The following SCHIP1 variants were observed in gnomAD, a reference collection of about 807,000 sequenced individuals.
SCHIP1 encodes schwannomin interacting protein 1, also known as schwannomin-interacting protein 1.
In SCHIP1, 8 loss-of-function variants were observed where a neutral mutation model predicts 29.7. The ratio of observed to expected loss-of-function variants is 0.27; its 90% CI spans 0.16 to 0.49. SCHIP1 has a LOEUF of 0.49. SCHIP1 is among the 20% of genes least tolerant of loss of function. The pLI, the probability that SCHIP1 is intolerant of heterozygous loss-of-function variation, is 0.99. For missense variants in SCHIP1, 193 were observed against 294.6 expected (o/e 0.66, Z 2.52); for synonymous variants, 76 against 94.9 (o/e 0.80, Z 1.16).
the SCHIP1 span, among the ~76,000 whole-genome samples, chr3:159,829,647 A>C: frequency 1.3e-5 from 2 of 152,200 alleles, no homozygotes; most frequent in African/African-American, 4.8e-5. Flanking sequence ...CAGTCCTCAA[A>C]ATCAACGAAC....
At chr3:159,550,270 C>G in the SCHIP1 span, among the ~76,000 whole-genome samples, 5 of 151,766 alleles carry the variant, frequency 3.3e-5, no homozygotes, top group African/African-American at 9.7e-5. Context: ...TTTTCAAATC[C>G]TTTGTATTAA....
At chr3:159,511,433 C>T in the SCHIP1 span, among the ~76,000 whole-genome samples, 316 of 152,294 alleles carry the variant, frequency 2.1e-3, 3 homozygotes, top group African/African-American at 7.1e-3. Flanking sequence ...AGCAATGCCT[C>T]GCCCTGCTTC....
chr3:159,542,362 G>T, the SCHIP1 span, among the ~76,000 whole-genome samples: 1 of 152,008 alleles, frequency 6.6e-6, no homozygotes, highest in African/African-American at 2.4e-5. Context: ...GCACATGCTT[G>T]TTGAATATCT....
chr3:159,787,501 A>G, the SCHIP1 span, among the ~76,000 whole-genome samples: 1 of 152,214 alleles, frequency 6.6e-6, no homozygotes, highest in African/African-American at 2.4e-5. Flanking sequence ...ATGGATTCCT[A>G]GTGAAATAAT....
At chr3:159,735,815 C>T in the SCHIP1 span, among the ~76,000 whole-genome samples, 1 of 152,210 alleles carries the variant, frequency 6.6e-6, no homozygotes, top group Non-Finnish European at 1.5e-5. Context: ...AGGTCACACA[C>T]ATAGCCCATC....
chr3:159,655,488 TCG>T, the SCHIP1 span, among the ~76,000 whole-genome samples: 1 of 152,106 alleles, frequency 6.6e-6, no homozygotes, highest in Non-Finnish European at 1.5e-5. Flanking sequence ...CTTAGCTCTC[TCG>T]GGTAGGACAA....
the SCHIP1 span, among the ~76,000 whole-genome samples, chr3:159,488,257 C>A: frequency 6.6e-6 from 1 of 151,728 alleles, no homozygotes; most frequent in East Asian, 1.9e-4. Context: ...TGAATAAGAT[C>A]TAGTATTTGA....
At chr3:159,300,326 A>G in the SCHIP1 span, among the ~76,000 whole-genome samples, 1 of 151,516 alleles carries the variant, frequency 6.6e-6, no homozygotes, top group Admixed American at 6.6e-5. Context: ...TAGAGATGAA[A>G]TCTCACTATG....
the SCHIP1 span, among the ~76,000 whole-genome samples, chr3:159,556,213 A>G: frequency 6.6e-6 from 1 of 152,132 alleles, no homozygotes. Context: ...CAAAACCACA[A>G]TGAGATACCA....
At chr3:159,544,489 T>TCA in the SCHIP1 span, among the ~76,000 whole-genome samples, 3 of 152,042 alleles carry the variant, frequency 2.0e-5, no homozygotes, top group Non-Finnish European at 4.4e-5. Context: ...CAGCATACTA[T>TCA]CAGCATATGA....
the SCHIP1 span, among the ~76,000 whole-genome samples, chr3:159,424,316 T>C: frequency 6.6e-6 from 1 of 151,996 alleles, no homozygotes; most frequent in Non-Finnish European, 1.5e-5. Flanking sequence ...AATGTATAAC[T>C]AGAATAACCA....
chr3:159,379,343 T>A, the SCHIP1 span, among the ~76,000 whole-genome samples: 25 of 152,032 alleles, frequency 1.6e-4, no homozygotes, highest in Admixed American at 2.6e-4. Flanking sequence ...TGCCTCAGCC[T>A]CCCGAGCAGC....
chr3:159,414,640 G>A, the SCHIP1 span, among the ~76,000 whole-genome samples: 286 of 152,222 alleles, frequency 1.9e-3, no homozygotes, highest in African/African-American at 6.6e-3. Flanking sequence ...TGCCCAGTAC[G>A]TATAGATGCT....
At chr3:159,732,099 G>A in the SCHIP1 span, among the ~76,000 whole-genome samples, 1 of 152,192 alleles carries the variant, frequency 6.6e-6, no homozygotes, top group African/African-American at 2.4e-5. Context: ...ACCTGCCTTG[G>A]CCTCCCAAAG....
the SCHIP1 span, among the ~76,000 whole-genome samples, chr3:159,356,570 T>TAGTC: frequency 2.0e-5 from 3 of 152,316 alleles, no homozygotes; most frequent in Non-Finnish European, 4.4e-5. Flanking sequence ...TGGAAGAAAA[T>TAGTC]AGTCATGAGA....
chr3:159,828,374 T>TATAC, the SCHIP1 span, among the ~76,000 whole-genome samples: 12 of 94,734 alleles, frequency 1.3e-4, 1 homozygote, highest in African/African-American at 5.0e-4. Flanking sequence ...TATATATATA[T>TATAC]ACATATATAT....
chr3:159,787,674 A>C, the SCHIP1 span, among the ~76,000 whole-genome samples: 1 of 152,142 alleles, frequency 6.6e-6, no homozygotes, highest in Non-Finnish European at 1.5e-5. Flanking sequence ...TGGAGAGCAA[A>C]TTGCCAGGTA....
chr3:159,576,265 G>A, the SCHIP1 span, among the ~76,000 whole-genome samples: 1 of 152,068 alleles, frequency 6.6e-6, no homozygotes, highest in South Asian at 2.1e-4. Context: ...ATTTTAAAAA[G>A]ACTATTATGC....
chr3:159,387,642 C>A, the SCHIP1 span, among the ~76,000 whole-genome samples: 2 of 152,140 alleles, frequency 1.3e-5, no homozygotes, highest in Non-Finnish European at 2.9e-5. Context: ...TTTAGGCTTT[C>A]CAGGCTGCAT....
Sources: gnomAD v4.1 joint callset for allele counts (sites outside exome capture counted in the v4.1 genomes callset) on GRCh38, gnomAD v4.1.1 for gene constraint, MANE v1.5 for transcripts, NCBI Gene and HGNC (gene_info 2026-07-23, HGNC 2026-07-21) for gene names.